Variants in SYT14 observed in about 807,000 individuals in gnomAD.
SYT14 encodes synaptotagmin 14, also known as synaptotagmin-14.
SYT14 carries 32 observed loss-of-function variants against 74.2 expected under a neutral mutation model. The ratio of observed to expected loss-of-function variants is 0.43; its 90% CI spans 0.33 to 0.58. SYT14 has a LOEUF of 0.58. Among genes scored for constraint, SYT14 ranks in the 20% least tolerant of loss-of-function variants. The pLI is 0.05. For missense variants in SYT14, 791 were observed against 981.8 expected, an observed-to-expected ratio of 0.81 and a Z score of 2.60; for synonymous variants, 298 against 337.7, an observed-to-expected ratio of 0.88 and a Z score of 1.29.
intron 2 of SYT14, among the ~76,000 whole-genome samples, chr1:209,983,322 G>T (rs1275902402): frequency 6.6e-6 from 1 of 151,728 alleles, no homozygotes; most frequent in Non-Finnish European, 1.5e-5. Flanking sequence ...TTCTCCTTTT[G>T]GTTCTCCTAT....
intron 2 of SYT14, among the ~76,000 whole-genome samples, chr1:210,012,185 A>T (rs1222729277): frequency 6.6e-6 from 1 of 152,216 alleles, no homozygotes; most frequent in South Asian, 2.1e-4. Context: ...CATAGAGTCC[A>T]TAACTTCCAG....
intron 9 of SYT14, 23 bp from the exon 9 acceptor site, chr1:210,160,706 T>TA: frequency 1.2e-6 from 2 of 1,602,966 alleles, no homozygotes; most frequent in Non-Finnish European, 1.7e-6. Context: ...ATATTTGTGA[T>TA]ACGTTGTCTT....
At chr1:210,132,175 C>T (rs2082687644) in intron 7 of SYT14, among the ~76,000 whole-genome samples, 1 of 152,078 alleles carries the variant, frequency 6.6e-6, no homozygotes, top group Non-Finnish European at 1.5e-5. Flanking sequence ...GCTCTACACC[C>T]CAGGCAAGGC....
intron 7 of SYT14, among the ~76,000 whole-genome samples, chr1:210,102,350 G>A (rs956268816): frequency 4.6e-5 from 7 of 152,014 alleles, no homozygotes; most frequent in African/African-American, 1.5e-4. Flanking sequence ...CCCTTTCTCT[G>A]TGTTGACATG....
intron 5 of SYT14, among the ~76,000 whole-genome samples, chr1:210,036,355 C>T (rs527347867): frequency 6.6e-6 from 1 of 151,786 alleles, no homozygotes; most frequent in South Asian, 2.1e-4. Flanking sequence ...TTATTTTAGG[C>T]ATAAGATTAT....
At chr1:210,147,796 A>G (rs1283549853) in intron 7 of SYT14, among the ~76,000 whole-genome samples, 2 of 152,096 alleles carry the variant, frequency 1.3e-5, no homozygotes, top group Non-Finnish European at 2.9e-5. Flanking sequence ...GAGGTGTACT[A>G]TTAAATAAGG....
At chr1:209,956,410 C>T in intron 2 of SYT14, among the ~76,000 whole-genome samples, 1 of 152,118 alleles carries the variant, frequency 6.6e-6, no homozygotes, top group Non-Finnish European at 1.5e-5. Context: ...GCTTGTGGCT[C>T]TGGCATCTTC....
intron 7 of SYT14, among the ~76,000 whole-genome samples, chr1:210,133,920 T>C (rs538185726): frequency 9.4e-5 from 14 of 149,704 alleles, no homozygotes; most frequent in Admixed American, 8.0e-4. Context: ...TCCATAGGAA[T>C]GGAGTTGGCA....
At chr1:210,031,509 T>C (rs1572185468) in intron 5 of SYT14, among the ~76,000 whole-genome samples, 1 of 152,156 alleles carries the variant, frequency 6.6e-6, no homozygotes, top group African/African-American at 2.4e-5. Context: ...TTCTCATAAA[T>C]GCTTGGTAGA....
At chr1:210,074,526 A>G (rs138174920) in intron 5 of SYT14, among the ~76,000 whole-genome samples, 8 of 152,340 alleles carry the variant, frequency 5.3e-5, no homozygotes, top group Middle Eastern at 3.4e-3. Context: ...ATTGTTTATT[A>G]ATAATGTTGG....
intron 2 of SYT14, among the ~76,000 whole-genome samples, chr1:209,986,878 T>C (rs536977923): frequency 1.3e-5 from 2 of 152,228 alleles, no homozygotes; most frequent in Admixed American, 6.5e-5. Context: ...CACCTCAGCC[T>C]CCCAAAGTGC....
chr1:210,023,108 CACTT>C (rs1260334854), intron 5 of SYT14, among the ~76,000 whole-genome samples: 1 of 152,100 alleles, frequency 6.6e-6, no homozygotes, highest in Non-Finnish European at 1.5e-5. Context: ...TTTGATGAAA[CACTT>C]AATTTTAGGC....
intron 6 of SYT14, among the ~76,000 whole-genome samples, chr1:210,096,795 C>T (rs1465149816): frequency 6.6e-6 from 1 of 152,204 alleles, no homozygotes; most frequent in African/African-American, 2.4e-5. Flanking sequence ...GCTACATGAT[C>T]GTGGCTTGTG....
exon 10 of SYT14, chr1:210,165,331 T>G (rs1449236132): frequency 6.6e-6 from 1 of 152,084 alleles, no homozygotes; most frequent in Non-Finnish European, 1.5e-5. Context: ...GAGAAAAGAC[T>G]AGAAAAGAAG....
chr1:210,125,417 A>G (rs1362982573), intron 7 of SYT14, among the ~76,000 whole-genome samples: 9 of 152,196 alleles, frequency 5.9e-5, no homozygotes, highest in African/African-American at 2.2e-4. Context: ...ATGGTATTCC[A>G]TGGTGTATAG....
chr1:210,161,060 C>G (rs1394726154), exon 10 of SYT14: 4 of 1,611,128 alleles, frequency 2.5e-6, no homozygotes, highest in Non-Finnish European at 3.4e-6. Context: ...AATAAGCAAG[C>G]AGTTACCATC....
chr1:210,082,450 C>T (rs559440866), intron 5 of SYT14, among the ~76,000 whole-genome samples: 4 of 152,066 alleles, frequency 2.6e-5, no homozygotes, highest in African/African-American at 7.2e-5. Context: ...CAGAACATTT[C>T]GCTTCTGTTG....
chr1:210,110,543 G>T (rs918531627), intron 7 of SYT14, among the ~76,000 whole-genome samples: 1 of 152,140 alleles, frequency 6.6e-6, no homozygotes, highest in Non-Finnish European at 1.5e-5. Context: ...CCTCCAGGAA[G>T]AATTCTGTTT....
chr1:209,966,979 TG>T (rs1191182173), intron 2 of SYT14, among the ~76,000 whole-genome samples: 2 of 152,120 alleles, frequency 1.3e-5, no homozygotes, highest in African/African-American at 4.8e-5. Context: ...TAGATGTTTT[TG>T]CCTGGGTGAG....
Sources: gnomAD v4.1 joint callset for allele counts (sites outside exome capture counted in the v4.1 genomes callset) on GRCh38, gnomAD v4.1.1 for gene constraint, MANE v1.5 for transcripts, NCBI Gene and HGNC (gene_info 2026-07-23, HGNC 2026-07-21) for gene names.